The following TCTN3 variants were observed in gnomAD, a reference collection of about 807,000 sequenced individuals.
TCTN3 encodes tectonic-3.
Under a neutral mutation model 71.3 loss-of-function variants are expected in TCTN3, and 57 were observed. The observed-to-expected ratio is 0.80, with a 90% confidence interval of 0.65 to 1.00. TCTN3 has a LOEUF of 1.00. Ranked by LOEUF, TCTN3 falls within the 50% of genes least tolerant of loss-of-function variation. The pLI is 0.00. For missense variants in TCTN3, 696 were observed against 719.9 expected (o/e 0.97, Z 0.38); for synonymous variants, 258 against 267.8 (o/e 0.96, Z 0.36).
chr10:95,684,529 G>C lies in TCTN3; in HGVS notation c.1065C>G (p.Ser355=). 3.1e-6 allele frequency: 5 copies of C among 1,614,052 alleles called. No individual in the cohort carries two copies. Among genetic ancestry groups the C allele is most frequent in the Non-Finnish European group, 4.2e-6 (5 of 1,179,926 alleles). ...AGCGAAGGATGAAGTGTTGCTGTAA[G>C]GAAGCGCCTGGCTCAACAGTCAGGT... The part of the protein sequence containing the change: ...QTNLTVEPGA[S]LQQHFILRFR... The change falls in exon 9 of 14, where the codon TCC becomes TCG. Residue 355 remains serine (S), a synonymous_variant. Coordinates refer to ENST00000371217, the MANE Select transcript of TCTN3 (RefSeq NM_015631.6).
At chr10:95,670,836 G>A (rs1163116575) in intron 13 of TCTN3, among the ~76,000 whole-genome samples, 1 of 151,706 alleles carries the variant, frequency 6.6e-6, no homozygotes, top group Non-Finnish European at 1.5e-5. Context: ...CTAATTTTTT[G>A]ATGTTTTGTA....
chr10:95,669,526 T>G (rs1005676315), intron 13 of TCTN3, among the ~76,000 whole-genome samples: 1 of 152,200 alleles, frequency 6.6e-6, no homozygotes, highest in African/African-American at 2.4e-5. Context: ...GCCTTCAGTA[T>G]CTGCTGGTGA....
intron 13 of TCTN3, among the ~76,000 whole-genome samples, chr10:95,678,224 TA>T (rs2097939316): frequency 6.6e-6 from 1 of 152,156 alleles, no homozygotes; most frequent in East Asian, 1.9e-4. Flanking sequence ...AAGCTATTGC[TA>T]TTCTGAGAAA....
chr10:95,687,718 T>C lies in TCTN3; in HGVS notation c.501A>G (p.Ser167=). The C allele has an allele frequency of 6.2e-7, 1 of 1,605,450 alleles. No individual in the cohort carries two copies. Among genetic ancestry groups the C allele is most frequent in the South Asian group, 1.1e-5 (1 of 88,448 alleles). The change falls in exon 4 of 14, where the codon TCA becomes TCG. Residue 167 remains serine, a splice_region_variant and synonymous_variant. Coordinates refer to ENST00000371217, the MANE Select transcript of TCTN3 (RefSeq NM_015631.6). ...GAAGCTTCTGGAAATAGTTTAAGTT[T>C]GCTAAAATGTTTTTTAAAAGAAAAA... ...IRQFCVHVNN[S]NLNYFQKLQK...
At chr10:95,686,991 T>C (rs1404099406) in intron 6 of TCTN3, 53 bp downstream of exon 6, 5 of 1,424,692 alleles carry the variant, frequency 3.5e-6, no homozygotes, top group Non-Finnish European at 4.9e-6. Context: ...GTGAGAAGCA[T>C]GTTCACTTCA....
rs781627433 is a variant in TCTN3, at chr10:95,687,351, C to G, written c.632G>C (p.Gly211Ala). The G allele has an allele frequency of 1.9e-6, 3 of 1,606,876 alleles. No homozygotes were observed. Among genetic ancestry groups the G allele is most frequent in the Admixed American group, 3.5e-5 (2 of 57,960 alleles). ...GGGGAAGTAAGTAAGAATGGGGTCC[C>G]CAGCCTGAATAAAATATAAAAGAAA... Reference protein sequence around the residue: ...TQSPPSFYRAGDPILTYFPKW... With the variant: ...TQSPPSFYRAADPILTYFPKW... The change falls in exon 5 of 14, where the codon GGG becomes GCG. Residue 211 changes from glycine (G) to alanine (A), a missense_variant. Physicochemically the swap from Gly to Ala is moderately conservative, Grantham distance 60 (BLOSUM62 0). Coordinates refer to ENST00000371217, the MANE Select transcript of TCTN3 (RefSeq NM_015631.6).
rs546369579 is a variant in TCTN3, at chr10:95,683,562, C to G, written c.1163G>C (p.Gly388Ala). Reference sequence around the variant, plus strand: ...ATCAGTCAGAGCCAAGAGTGGCTTCCCAACTATATAGCCAGGATTCCCACT... The same window carrying G: ...ATCAGTCAGAGCCAAGAGTGGCTTCGCAACTATATAGCCAGGATTCCCACT... Reference protein sequence around the residue: ...PRSGNPGYIVGKPLLALTDDI... With the variant: ...PRSGNPGYIVAKPLLALTDDI... The change falls in exon 10 of 14, where the codon GGG (glycine) becomes GCG (alanine). Residue 388 changes from glycine to alanine, a missense_variant. Transcript: ENST00000371217. 10 of 1,614,110 alleles carry G rather than the reference C, an allele frequency of 6.2e-6. No homozygotes were observed. In the Admixed American group the frequency reaches 8.3e-5, roughly 13 times the overall value.
At chr10:95,669,048 G>A (rs918145976) in intron 13 of TCTN3, among the ~76,000 whole-genome samples, 17 of 152,134 alleles carry the variant, frequency 1.1e-4, no homozygotes, top group African/African-American at 3.6e-4. Context: ...AATACTTGCC[G>A]CAGCATGCAT....
intron 13 of TCTN3, among the ~76,000 whole-genome samples, chr10:95,673,952 T>C (rs554984671): frequency 1.3e-5 from 2 of 152,364 alleles, no homozygotes; most frequent in South Asian, 4.1e-4. Context: ...TCTATCTTTA[T>C]ACTAGAGTAC....
chr10:95,669,155 G>A (rs887199430), intron 13 of TCTN3, among the ~76,000 whole-genome samples: 2 of 152,098 alleles, frequency 1.3e-5, no homozygotes, highest in Non-Finnish European at 2.9e-5. Context: ...GAAAATAACC[G>A]ACCTACAAAA....
chr10:95,673,040 G>C (rs906264073), intron 13 of TCTN3, among the ~76,000 whole-genome samples: 4 of 152,044 alleles, frequency 2.6e-5, no homozygotes, highest in Non-Finnish European at 4.4e-5. Flanking sequence ...GTTTGTCATT[G>C]TATTGTTTAT....
intron 10 of TCTN3, 122 bp from the exon 11 acceptor site, chr10:95,683,317 G>A (rs753259978): frequency 3.0e-5 from 45 of 1,491,682 alleles, no homozygotes; most frequent in South Asian, 3.9e-5. Flanking sequence ...CATAATGTTC[G>A]AGTCACAAAT....
chr10:95,682,418 C>T (rs1169682111), intron 12 of TCTN3, among the ~76,000 whole-genome samples: 2 of 151,290 alleles, frequency 1.3e-5, no homozygotes, highest in Admixed American at 6.6e-5. Context: ...CCCTTGAACC[C>T]GGGGGGTGGA....
intron 13 of TCTN3, among the ~76,000 whole-genome samples, chr10:95,665,980 G>A (rs1007525896): frequency 5.0e-4 from 74 of 149,022 alleles, no homozygotes; most frequent in East Asian, 7.9e-4. Flanking sequence ...TTGCTCTGTC[G>A]CCCAGGCTGG....
At position 95,684,600 on chromosome 10, in the gene TCTN3, C is replaced by T; in HGVS notation, c.994G>A (p.Gly332Arg). 2.5e-6 allele frequency: 4 copies of T among 1,613,992 alleles called. No individual in the cohort carries two copies. The South Asian group carries it at 3.3e-5, about 13-fold the overall frequency. Residue 332 changes from glycine (G) to arginine (R), a missense_variant, in exon 9 of 14, where the codon GGG (glycine) becomes AGG (arginine). Coordinates refer to ENST00000371217, the MANE Select transcript of TCTN3 (RefSeq NM_015631.6). ...GAAACTTTCTGGATTCCAAAAGTCC[C>T]ATTGGTCTCTATCTCATAGGTGACC... is the stretch of plus-strand genomic sequence containing the variant. ...SQVTYEIETN[G>R]TFGIQKVSVS...
In TCTN3 at chr10:95,673,964, ACT is replaced by A. The variant is rs1257318967; in HGVS notation, c.1590+6506_1590+6507del. Among the ~76,000 whole-genome samples, 5 of 152,132 alleles carry A rather than the reference ACT, an allele frequency of 3.3e-5. No homozygotes were observed. In the East Asian group the frequency reaches 9.6e-4, roughly 29 times the overall value. ...CTGTCTATCTTTATACTAGAGTACCACTCTGTCTGAGATTTAGAGTAAGTCTT... is the reference window on the plus strand; with the variant it reads ...CTGTCTATCTTTATACTAGAGTACCACTGTCTGAGATTTAGAGTAAGTCTT... On this transcript the variant is annotated intron_variant, in intron 13 of 13. Transcript: ENST00000371217.
chr10:95,683,243 G>T, intron 10 of TCTN3, 48 bp from the exon 11 acceptor site: 1 of 1,560,286 alleles, frequency 6.4e-7, no homozygotes, highest in Non-Finnish European at 8.7e-7. Flanking sequence ...GAAAAAAAAA[G>T]GAGGCAGCAT....
intron 3 of TCTN3, among the ~76,000 whole-genome samples, chr10:95,691,326 G>T (rs1379369121): frequency 6.6e-6 from 1 of 151,918 alleles, no homozygotes; most frequent in Non-Finnish European, 1.5e-5. Context: ...ATAATTTTTT[G>T]TTTTTTTAGT....
At chr10:95,671,935 A>AT (rs974890198) in intron 13 of TCTN3, among the ~76,000 whole-genome samples, 2 of 151,898 alleles carry the variant, frequency 1.3e-5, no homozygotes, top group East Asian at 1.9e-4. Context: ...TGGTTTTAAT[A>AT]TTTTTGTTGA....
Sources: gnomAD v4.1 joint callset for allele counts (sites outside exome capture counted in the v4.1 genomes callset) on GRCh38, gnomAD v4.1.1 for gene constraint, MANE v1.5 for transcripts, NCBI Gene and HGNC (gene_info 2026-07-23, HGNC 2026-07-21) for gene names.